Variants in GART observed in about 807,000 individuals in gnomAD.
GART encodes the protein phosphoribosylglycinamide formyltransferase, phosphoribosylglycinamide synthetase, phosphoribosylaminoimidazole synthetase.
In GART, 43 loss-of-function variants were observed where a neutral mutation model predicts 107.2. The observed-to-expected ratio is 0.40, with a 90% CI of 0.31 to 0.52. The LOEUF (loss-of-function observed/expected upper bound fraction) is 0.52. Ranked by LOEUF, GART falls within the 20% of genes least tolerant of loss-of-function variation. GART has a pLI of 0.52. For synonymous variants in GART, 434 were observed against 427.0 expected (o/e 1.02, Z -0.20); for missense variants, 1,107 against 1,206.5 (o/e 0.92, Z 1.22).
chr21:33,533,679 C>T (rs747562385), intron 4 of GART, among the ~76,000 whole-genome samples: 7 of 151,940 alleles, frequency 4.6e-5, no homozygotes, highest in African/African-American at 1.5e-4. Context: ...CAGAGAGAGG[C>T]GGATCTCTTG....
rs1379825317 is a variant in GART at position 33,542,057 on chromosome 21, T to C, written c.-42+8A>G. 6.6e-6 allele frequency: 1 copy of C among 152,148 alleles called. No individual in the cohort carries two copies. Among genetic ancestry groups the C allele is most frequent in the African/African-American group, 2.4e-5 (1 of 41,426 alleles). 9.4% of individuals were successfully genotyped at this position (152,148 alleles called of 1,614,324 possible). On this transcript the variant is annotated splice_region_variant and intron_variant, in intron 1 of 21. Coordinates refer to ENST00000381815, the MANE Select transcript of GART (RefSeq NM_000819.5). ...CGCTCCGTGTAAAAGCGGAGGGGGT[T>C]TACGCACCGACACCGGGTGGCCACC... is the stretch of plus-strand genomic sequence containing the variant.
intron 16 of GART, among the ~76,000 whole-genome samples, chr21:33,512,220 G>A (rs1238362544): frequency 6.9e-6 from 1 of 145,932 alleles, no homozygotes; most frequent in Admixed American, 7.0e-5. Context: ...GGAGGTGGAG[G>A]TTGCAGTGGG....
chr21:33,535,111 CT>C, intron 3 of GART, 113 bp downstream of exon 3: 1 of 712,598 alleles, frequency 1.4e-6, no homozygotes, highest in Non-Finnish European at 2.1e-6. Context: ...AGTGGAAGCT[CT>C]TTTTCCAAGA....
At chr21:33,534,867 G>A in intron 3 of GART, 114 bp from the exon 4 acceptor site, 2 of 874,938 alleles carry the variant, frequency 2.3e-6, no homozygotes, top group Middle Eastern at 3.6e-4. Context: ...GATGACTGGT[G>A]GCAGAGGATA....
chr21:33,507,722 C>T (rs191823535), intron 18 of GART, among the ~76,000 whole-genome samples: 10 of 152,286 alleles, frequency 6.6e-5, no homozygotes, highest in African/African-American at 2.4e-4. Context: ...ATCCCAGCTA[C>T]TCAGGAGGCT....
intron 2 of GART, among the ~76,000 whole-genome samples, chr21:33,535,593 G>T (rs1455275787): frequency 6.6e-6 from 1 of 152,096 alleles, no homozygotes; most frequent in Non-Finnish European, 1.5e-5. Context: ...TCACCTCCAT[G>T]ATATTGTTCA....
At chr21:33,537,120 G>A (rs746797240) in intron 2 of GART, among the ~76,000 whole-genome samples, 9 of 152,172 alleles carry the variant, frequency 5.9e-5, no homozygotes, top group Admixed American at 2.6e-4. Context: ...AGGGCAACAA[G>A]AGGAAGAGGT....
Position 33,528,320 on chromosome 21 carries a change from G to A in GART, c.913C>T (p.Leu305Phe). ...DPECQVILPL[L>F]KSDLYEVIQS... ...ATCACTTCATAAAGATCACTTTTAA[G>A]AAGTGGGAGGATTACCTGGAAAAAC... Residue 305 changes from leucine (L) to phenylalanine (F), a missense_variant, in exon 10 of 22, where the codon CTT becomes TTT. Leu to Phe is a conservative substitution (Grantham distance 22). Coordinates refer to ENST00000381815, the MANE Select transcript of GART (RefSeq NM_000819.5). The A allele has an allele frequency of 6.2e-7, 1 of 1,613,838 alleles. No homozygotes were observed. The highest frequency in any genetic ancestry group is 8.5e-7 in the Non-Finnish European group (1 of 1,179,860).
rs903887763 is a variant in GART at position 33,511,572 on chromosome 21, G to A, written c.2108-114C>T. The A allele has an allele frequency of 1.1e-4, 122 of 1,084,216 alleles. No homozygotes were observed. The East Asian group carries it at 2.1e-3, about 19-fold the overall frequency. 67.2% of individuals were successfully genotyped at this position (1,084,216 alleles called of 1,614,324 possible). On this transcript the variant is annotated intron_variant, in intron 16 of 21. Coordinates refer to ENST00000381815, the MANE Select transcript of GART (RefSeq NM_000819.5). ...TAATCAGGCTCTGCTATTTTATGTAGGGTAAAACTATAAATTGGCCTCTGA... is the reference window on the plus strand; with the variant it reads ...TAATCAGGCTCTGCTATTTTATGTAAGGTAAAACTATAAATTGGCCTCTGA...
chr21:33,538,313 C>CT lies in GART; in HGVS notation c.145+857dup, dbSNP rs1326614028. On this transcript the variant is annotated intron_variant, in intron 2 of 21. Coordinates refer to ENST00000381815, the MANE Select transcript of GART (RefSeq NM_000819.5). ...CTATTAGAGTAACAACTGTTAAAAA[C>CT]TTTGTTTTGTGAGACAGGTTCTCAT... Among the ~76,000 whole-genome samples the CT allele has an allele frequency of 2.1e-5, 3 of 145,782 alleles. No homozygotes were observed. The Admixed American group carries it at 2.1e-4, about 10-fold the overall frequency.
At chr21:33,532,974 T>A (rs1402685702) in intron 4 of GART, among the ~76,000 whole-genome samples, 2 of 151,930 alleles carry the variant, frequency 1.3e-5, no homozygotes, top group Non-Finnish European at 2.9e-5. Context: ...TAAGAAACTC[T>A]TTAGGATATG....
chr21:33,517,001 C>G lies in GART; in HGVS notation c.2095G>C (p.Gly699Arg), dbSNP rs376192612. The change falls in exon 16 of 22, where the codon GGG becomes CGG. Residue 699 changes from glycine (G) to arginine (R), a missense_variant. Coordinates refer to ENST00000381815, the MANE Select transcript of GART (RefSeq NM_000819.5). ...NIPRVLPEKL[G>R]VDLDAQTWRI... ...TTAGTGATCTTACCTAAATCTACCC[C>G]AAGTTTCTCAGGGAGGACTCTGGGG... 1.9e-6 allele frequency: 3 copies of G among 1,597,946 alleles called. No homozygotes were observed. In the African/African-American group the frequency reaches 4.1e-5, roughly 22 times the overall value.
At chr21:33,533,647 G>A (rs947750675) in intron 4 of GART, among the ~76,000 whole-genome samples, 5 of 152,078 alleles carry the variant, frequency 3.3e-5, no homozygotes, top group Non-Finnish European at 5.9e-5. Flanking sequence ...GCTCATGCCT[G>A]TAATCCCAGC....
chr21:33,519,203 T>C (rs2145709391), intron 14 of GART: 1 of 164,614 alleles, frequency 6.1e-6, no homozygotes, highest in African/African-American at 2.4e-5. Flanking sequence ...TGAGATTAGA[T>C]GCACACATGT....
intron 2 of GART, among the ~76,000 whole-genome samples, chr21:33,538,148 G>A (rs1437822286): frequency 6.7e-6 from 1 of 149,602 alleles, no homozygotes; most frequent in Non-Finnish European, 1.5e-5. Flanking sequence ...GGAGGCTGAG[G>A]CAGAAGAATC....
At chr21:33,520,658 G>T in intron 13 of GART, 96 bp from the exon 14 acceptor site, 1 of 1,113,620 alleles carries the variant, frequency 9.0e-7, no homozygotes, top group Non-Finnish European at 1.3e-6. Flanking sequence ...AAAAACAAAA[G>T]AACACGAAAT....
At chr21:33,528,408 C>T in intron 9 of GART, 73 bp from the exon 10 acceptor site, 3 of 1,561,412 alleles carry the variant, frequency 1.9e-6, no homozygotes, top group Non-Finnish European at 2.6e-6. Context: ...CACTGGTGTA[C>T]TAGCAGAACT....
At chr21:33,538,534 C>A (rs528385703) in intron 2 of GART, among the ~76,000 whole-genome samples, 279 of 152,064 alleles carry the variant, frequency 1.8e-3, no homozygotes, top group Middle Eastern at 3.4e-3. Context: ...CACGTGGCCG[C>A]AAGTTGTATT....
chr21:33,519,552 TAA>T (rs559509642), intron 14 of GART, among the ~76,000 whole-genome samples: 44 of 123,268 alleles, frequency 3.6e-4, no homozygotes, highest in South Asian at 5.1e-4. Context: ...AGACTCTGTT[TAA>T]AAAAAAAAAA....
Sources: allele counts gnomAD v4.1 joint callset (sites outside exome capture counted in the v4.1 genomes callset), GRCh38; gene constraint gnomAD v4.1.1; transcripts MANE v1.5; gene names NCBI Gene and HGNC (gene_info 2026-07-23, HGNC 2026-07-21).